Variants in FZR1 observed in about 807,000 individuals in gnomAD.
The protein encoded by FZR1 is fizzy-related protein homolog.
Under a neutral mutation model 63.6 loss-of-function variants are expected in FZR1, and 11 were observed. The observed-to-expected ratio is 0.17, with a 90% CI of 0.11 to 0.29. The LOEUF is 0.29. FZR1 is among the 10% of genes least tolerant of loss of function. The probability of loss-of-function intolerance (pLI) is 1.00; values close to 1 mark genes in which losing one functional copy is unlikely to be tolerated. For missense variants in FZR1, 440 were observed against 687.5 expected (o/e 0.64, Z 4.03); for synonymous variants, 328 against 297.9 (o/e 1.10, Z -1.04).
rs2083116778 is a variant in FZR1, at chr19:3,522,961, C to A, written c.-29C>A. The stretch of plus-strand genomic sequence containing the variant: ...TCCTGCCCTTCCCGCTGCAGGCTAA[C>A]CTTGCCGCGGGCCGAGCCCTGCCTC... On this transcript the variant is annotated 5_prime_UTR_variant, in exon 2 of 14. Coordinates refer to ENST00000441788, the MANE Select transcript of FZR1 (RefSeq NM_016263.4). The A allele has an allele frequency of 4.5e-6, 7 of 1,567,848 alleles. No homozygotes were observed. Among genetic ancestry groups the A allele is most frequent in the Non-Finnish European group, 6.1e-6 (7 of 1,139,048 alleles).
In FZR1 at chr19:3,533,497, G is replaced by A. The variant is rs2083268184; in HGVS notation, c.1347+99G>A. ...GTCCTGTGTTCTTAGGGAGGATGGT[G>A]TGCAGATCTAAAACCCCGTGGGACC... On this transcript the variant is annotated intron_variant, in intron 12 of 13. Transcript: ENST00000441788. This position sits in a 1 kb window ranked among gnomAD's most constrained non-coding sequence, Gnocchi z 4.9. The A allele has an allele frequency of 8.0e-6, 6 of 748,492 alleles. No individual in the cohort carries two copies. In the Admixed American group the frequency reaches 8.2e-5, roughly 10 times the overall value. 46.4% of individuals were successfully genotyped at this position (748,492 alleles called of 1,614,324 possible).
At chr19:3,507,474 C>T (rs956629562) in intron 1 of FZR1, among the ~76,000 whole-genome samples, 6 of 152,090 alleles carry the variant, frequency 3.9e-5, no homozygotes, top group Non-Finnish European at 8.8e-5. Flanking sequence ...GTCTTTTCCC[C>T]TGTTTTCTCC....
chr19:3,528,514 C>T (rs2083186122), intron 7 of FZR1, among the ~76,000 whole-genome samples: 1 of 147,586 alleles, frequency 6.8e-6, no homozygotes, highest in Non-Finnish European at 1.5e-5. Flanking sequence ...TGCAGGCTCT[C>T]CCCTGTGTGT....
intron 1 of FZR1, among the ~76,000 whole-genome samples, chr19:3,512,071 T>A (rs1350507940): frequency 6.6e-6 from 1 of 152,138 alleles, no homozygotes; most frequent in Middle Eastern, 3.4e-3. Flanking sequence ...TCCTCCCTCC[T>A]CTCTGAGACT....
intron 2 of FZR1, 60 bp downstream of exon 2, chr19:3,523,118 G>A (rs1259472790): frequency 9.5e-6 from 10 of 1,053,154 alleles, no homozygotes; most frequent in Non-Finnish European, 1.5e-5. Flanking sequence ...CCTCTGCCCT[G>A]GCCAGCAGCC....
rs1266571429 is a variant in FZR1 at position 3,533,578 on chromosome 19, G to C, written c.1347+180G>C. 1 of 590,264 alleles carries C rather than the reference G, an allele frequency of 1.7e-6. No individual in the cohort carries two copies. Among genetic ancestry groups the C allele is most frequent in the African/African-American group, 1.9e-5 (1 of 53,778 alleles). The allele number at this position is 590,264 out of a possible 1,614,324, so 36.6% of individuals were successfully genotyped here. A position where few individuals can be genotyped will look rare whatever the true frequency, so the allele number is the denominator to read the frequency against. On this transcript the variant is annotated intron_variant, in intron 12 of 13. Coordinates refer to ENST00000441788, the MANE Select transcript of FZR1 (RefSeq NM_016263.4). This position sits in a 1 kb window ranked among gnomAD's most constrained non-coding sequence, Gnocchi z 4.9. Reference sequence around the variant, plus strand: ...CTGGTTGTGTTGCCAGCGTTGGAATGGGCTCTACCGAACTCCCCAGCCCTG... The same window carrying C: ...CTGGTTGTGTTGCCAGCGTTGGAATCGGCTCTACCGAACTCCCCAGCCCTG...
rs1336842692 is a variant in FZR1, at chr19:3,527,799, T to C, written c.639T>C (p.Ser213=). 11 of 1,610,744 alleles carry C rather than the reference T, an allele frequency of 6.8e-6. No individual in the cohort carries two copies. The highest frequency in any genetic ancestry group is 1.3e-5 in the African/African-American group (1 of 74,930). ...TAGGCACCTGCGTGTACCTGTGGAG[T>C]GCCTGTACCAGCCAGGTGGGTGCTG... The part of the protein sequence containing the change: ...VGLGTCVYLW[S]ACTSQVTRLC... Residue 213 remains serine, a synonymous_variant, in exon 7 of 14, where the codon AGT becomes AGC. Coordinates refer to ENST00000441788, the MANE Select transcript of FZR1 (RefSeq NM_016263.4).
chr19:3,529,748 GCGCA>G (rs1449720201), intron 7 of FZR1, among the ~76,000 whole-genome samples: 9 of 148,604 alleles, frequency 6.1e-5, no homozygotes, highest in Middle Eastern at 3.6e-3. Context: ...GGATGGGTGA[GCGCA>G]TGGGAGCGCA....
At chr19:3,532,747 C>G in intron 11 of FZR1, 97 bp downstream of exon 11, 1 of 839,978 alleles carries the variant, frequency 1.2e-6, no homozygotes, top group Admixed American at 2.2e-5. Context: ...GGAGATGGGT[C>G]AGAGTCGCTC....
chr19:3,513,802 A>C (rs2083039727), intron 1 of FZR1, among the ~76,000 whole-genome samples: 1 of 152,066 alleles, frequency 6.6e-6, no homozygotes, highest in Admixed American at 6.5e-5. Flanking sequence ...CCCTTACCCA[A>C]GGCGGTCCTG....
At chr19:3,519,972 C>T (rs1050324435) in intron 1 of FZR1, among the ~76,000 whole-genome samples, 7 of 151,634 alleles carry the variant, frequency 4.6e-5, no homozygotes, top group Non-Finnish European at 1.0e-4. Flanking sequence ...CCACAGCTCT[C>T]GTGGGGCTCA....
chr19:3,510,579 A>G (rs2083017429), intron 1 of FZR1, among the ~76,000 whole-genome samples: 1 of 152,184 alleles, frequency 6.6e-6, no homozygotes, highest in African/African-American at 2.4e-5. Context: ...CCTGCAGGCC[A>G]CTGGGTCGGT....
rs529878889 is a variant in FZR1 at position 3,507,933 on chromosome 19, C to A, written c.-35+1459C>A. On this transcript the variant is annotated intron_variant, in intron 1 of 13. Coordinates refer to ENST00000441788, the MANE Select transcript of FZR1 (RefSeq NM_016263.4). ...GCTGCCCGGCGCCTTGAGCAGCGAG[C>A]GGAGTTGGGTTGCAGAGGGTTTTGC... Among the ~76,000 whole-genome samples, 38 of 152,336 alleles carry A rather than the reference C, an allele frequency of 2.5e-4. No individual in the cohort carries two copies. The South Asian group carries it at 7.5e-3, about 30-fold the overall frequency.
chr19:3,529,253 GGAGTGGATGGGA>G (rs2083203039), intron 7 of FZR1, among the ~76,000 whole-genome samples: 1 of 134,686 alleles, frequency 7.4e-6, no homozygotes, highest in African/African-American at 2.8e-5. Flanking sequence ...AGTGGTTGAG[GGAGTGGATGGGA>G]GAGTGGATGA....
rs61731108 is a variant in FZR1, at chr19:3,532,062, C to T, written c.975C>T (p.His325=). ...EVCGLKWSTD[H]QLLASGGNDN... The stretch of plus-strand genomic sequence containing the variant: ...GCGGGCTCAAGTGGTCCACAGACCA[C>T]CAGCTCCTCGCCTCGGGGGGCAACG... Residue 325 remains histidine (H), a synonymous_variant, in exon 10 of 14, where the codon CAC becomes CAT. Coordinates refer to ENST00000441788, the MANE Select transcript of FZR1 (RefSeq NM_016263.4). 5.8e-4 allele frequency: 882 copies of T among 1,525,546 alleles called. 4 individuals carry two copies. The African/African-American group carries it at 0.011, about 19-fold the overall frequency. The allele number at this position is 1,525,546 out of a possible 1,614,324, so 94.5% of individuals were successfully genotyped here.
intron 2 of FZR1, 78 bp downstream of exon 2, chr19:3,523,136 T>C (rs2121947100): frequency 1.1e-6 from 1 of 894,242 alleles, no homozygotes; most frequent in Non-Finnish European, 1.9e-6. Context: ...GCCTCAGGTG[T>C]CCCCACTGTC....
intron 1 of FZR1, among the ~76,000 whole-genome samples, chr19:3,517,507 T>C (rs2083067166): frequency 6.6e-6 from 1 of 152,020 alleles, no homozygotes; most frequent in African/African-American, 2.4e-5. Flanking sequence ...ACCAACATGA[T>C]GAAACCCCCT....
intron 12 of FZR1, 194 bp from the exon 13 acceptor site, chr19:3,534,227 T>TA (rs3040391): frequency 0.034 from 9,494 of 281,598 alleles, 31 homozygotes; most frequent in South Asian, 0.061. Flanking sequence ...GTCTTAAAAT[T>TA]AAAAAAAAAA....
intron 1 of FZR1, among the ~76,000 whole-genome samples, chr19:3,510,291 T>C (rs1462774538): frequency 2.0e-5 from 3 of 152,054 alleles, no homozygotes; most frequent in Non-Finnish European, 4.4e-5. Context: ...CGCGCCACCA[T>C]ACCTGGCTAA....
Sources: gnomAD v4.1 joint callset for allele counts (sites outside exome capture counted in the v4.1 genomes callset) on GRCh38, gnomAD v4.1.1 for gene constraint, Gnocchi (gnomAD v3.1) non-coding constraint, MANE v1.5 for transcripts, NCBI Gene and HGNC (gene_info 2026-07-23, HGNC 2026-07-21) for gene names.